The following STARD13 variants were observed in gnomAD, a reference collection of about 807,000 sequenced individuals.
The protein encoded by STARD13 is stAR-related lipid transfer protein 13.
STARD13 carries 62 observed loss-of-function variants against 106.4 expected under a neutral mutation model. The observed-to-expected ratio is 0.58, with a 90% CI of 0.48 to 0.72. STARD13 has a LOEUF of 0.72. Among genes scored for constraint, STARD13 ranks in the 30% least tolerant of loss-of-function variants. The pLI is 0.00. For synonymous variants in STARD13, 565 were observed against 553.0 expected (o/e 1.02, Z -0.31); for missense variants, 1,387 against 1,424.0 (o/e 0.97, Z 0.42).
chr13:33,585,045 C>G, the STARD13 span, among the ~76,000 whole-genome samples: 7 of 152,164 alleles, frequency 4.6e-5, no homozygotes, highest in Non-Finnish European at 1.0e-4. Context: ...TATAAATTAT[C>G]CAGTCTCAGG....
chr13:33,362,541 ACTTGTGTAACC>A, the STARD13 span, among the ~76,000 whole-genome samples: 1 of 152,134 alleles, frequency 6.6e-6, no homozygotes, highest in Admixed American at 6.5e-5. Context: ...CCTCTATTTT[ACTTGTGTAACC>A]CTGGGTCTCT....
At position 33,105,540 on chromosome 13, in the gene STARD13, A is replaced by G. The variant is rs780206528; in HGVS notation, c.*53T>C. On this transcript the variant is annotated 3_prime_UTR_variant, in exon 14 of 14. Coordinates refer to ENST00000336934, the MANE Select transcript of STARD13 (RefSeq NM_178006.4). ...TTCTCACATGCACACTCTCTGCCACACTCGTCACTTTAGCTTCCTCTTCCC... is the reference window on the plus strand; with the variant it reads ...TTCTCACATGCACACTCTCTGCCACGCTCGTCACTTTAGCTTCCTCTTCCC... The G allele has an allele frequency of 3.1e-6, 4 of 1,274,360 alleles. No individual in the cohort carries two copies. In the Admixed American group the frequency reaches 6.7e-5, roughly 21 times the overall value. The allele number at this position is 1,274,360 out of a possible 1,614,324, so 78.9% of individuals were successfully genotyped here.
At chr13:33,528,263 T>C in the STARD13 span, among the ~76,000 whole-genome samples, 8 of 130,464 alleles carry the variant, frequency 6.1e-5, no homozygotes, top group African/African-American at 2.6e-4. Flanking sequence ...TATACATATA[T>C]ATATATATAT....
chr13:33,119,031 A>T (rs1875839087), intron 7 of STARD13, among the ~76,000 whole-genome samples: 1 of 151,966 alleles, frequency 6.6e-6, no homozygotes, highest in African/African-American at 2.4e-5. Context: ...TACTTGATGA[A>T]TAAATGGAGC....
chr13:33,565,800 C>T, the STARD13 span, among the ~76,000 whole-genome samples: 160 of 148,688 alleles, frequency 1.1e-3, 10 homozygotes, highest in Non-Finnish European at 1.8e-3. Context: ...TGGCTATTCT[C>T]TTCCTACTCT....
At chr13:33,403,139 T>A in the STARD13 span, among the ~76,000 whole-genome samples, 1 of 152,126 alleles carries the variant, frequency 6.6e-6, no homozygotes, top group Non-Finnish European at 1.5e-5. Context: ...GAGCCCAGAG[T>A]ACCTGCCCCG....
intron 1 of STARD13, among the ~76,000 whole-genome samples, chr13:33,196,696 A>C (rs902114980): frequency 3.3e-5 from 5 of 152,216 alleles, no homozygotes; most frequent in Admixed American, 6.5e-5. Flanking sequence ...GCAACTTAAA[A>C]AGATTCTTGC....
chr13:33,515,539 G>A, the STARD13 span, among the ~76,000 whole-genome samples: 1 of 152,110 alleles, frequency 6.6e-6, no homozygotes, highest in Non-Finnish European at 1.5e-5. Flanking sequence ...AAGCCTCTGG[G>A]GCACTAGAAA....
intron 3 of STARD13, among the ~76,000 whole-genome samples, chr13:33,160,285 A>T (rs557272906): frequency 6.6e-6 from 1 of 152,312 alleles, no homozygotes; most frequent in East Asian, 1.9e-4. Context: ...TGTTCTTTCT[A>T]TAAAAATGAA....
intron 1 of STARD13, among the ~76,000 whole-genome samples, chr13:33,181,971 G>A (rs1885282671): frequency 1.3e-5 from 2 of 152,196 alleles, no homozygotes. Flanking sequence ...TAACCTGACT[G>A]AGGCATAGTC....
chr13:33,619,364 G>GA, the STARD13 span, among the ~76,000 whole-genome samples: 5,694 of 152,166 alleles, frequency 0.037, 327 homozygotes, highest in African/African-American at 0.13. Flanking sequence ...TAAAGCTGCA[G>GA]AAAAAATATG....
rs1252954697 is a variant in STARD13 at position 33,341,217 on chromosome 13, G to T, written c.124+9073C>A. On this transcript the variant is annotated intron_variant, in intron 1 of 5. Coordinates refer to the STARD13 transcript ENST00000567873. ...TTAAAGCAAAATTTTCTCCATATGT[G>T]CTTTGTTCAACATAAGATGTAAAAA... is the stretch of plus-strand genomic sequence containing the variant. Among the ~76,000 whole-genome samples the T allele has an allele frequency of 2.0e-5, 3 of 152,172 alleles. No homozygotes were observed. The East Asian group carries it at 5.8e-4, about 29-fold the overall frequency.
chr13:33,544,392 A>T, the STARD13 span, among the ~76,000 whole-genome samples: 4 of 152,230 alleles, frequency 2.6e-5, no homozygotes. Context: ...CACTGCCTTT[A>T]TTGACACAGT....
the STARD13 span, among the ~76,000 whole-genome samples, chr13:33,675,865 G>T: frequency 0.078 from 11,810 of 152,152 alleles, 921 homozygotes; most frequent in East Asian, 0.25. Context: ...GCCCTCTTAG[G>T]AACAGATCAA....
the STARD13 span, among the ~76,000 whole-genome samples, chr13:33,494,268 C>T: frequency 6.6e-6 from 1 of 152,258 alleles, no homozygotes; most frequent in South Asian, 2.1e-4. Context: ...TTCAACTCCA[C>T]CCCCACCCGG....
At chr13:33,535,465 A>G in the STARD13 span, among the ~76,000 whole-genome samples, 13 of 152,354 alleles carry the variant, frequency 8.5e-5, no homozygotes, top group South Asian at 2.1e-3. Context: ...ACCACAGAGA[A>G]TCAAAGGCAA....
At chr13:33,394,092 A>T in the STARD13 span, among the ~76,000 whole-genome samples, 1 of 152,238 alleles carries the variant, frequency 6.6e-6, no homozygotes. Flanking sequence ...TAGAACCTTT[A>T]AAATACAATA....
At chr13:33,508,970 T>C in the STARD13 span, among the ~76,000 whole-genome samples, 1 of 152,218 alleles carries the variant, frequency 6.6e-6, no homozygotes. Flanking sequence ...GGTTAAGTAT[T>C]TGTGTATGTA....
chr13:33,297,773 C>T (rs1014794105), intron 1 of STARD13, among the ~76,000 whole-genome samples: 27 of 152,134 alleles, frequency 1.8e-4, no homozygotes, highest in African/African-American at 4.3e-4. Flanking sequence ...ATATATGATA[C>T]GGGTATGGAG....
Sources: gnomAD v4.1 joint callset for allele counts (sites outside exome capture counted in the v4.1 genomes callset) on GRCh38, gnomAD v4.1.1 for gene constraint, MANE v1.5 for transcripts, NCBI Gene and HGNC (gene_info 2026-07-23, HGNC 2026-07-21) for gene names.